KCTD8: variants seen among roughly 807,000 people sequenced by gnomAD.
KCTD8 encodes potassium channel tetramerization domain containing 8.
A neutral mutation model predicts 31.5 loss-of-function variants in KCTD8; 27 were observed. The ratio of observed to expected loss-of-function variants is 0.86; its 90% CI spans 0.63 to 1.18. The LOEUF (loss-of-function observed/expected upper bound fraction) is 1.18. KCTD8 is among the 50% of genes most tolerant of loss of function. KCTD8 has a pLI of 0.00. For missense variants in KCTD8, 658 were observed against 647.7 expected (o/e 1.02, Z -0.17); for synonymous variants, 290 against 280.0 (o/e 1.04, Z -0.36).
chr4:44,229,392 C>T (rs2109351748), intron 1 of KCTD8, among the ~76,000 whole-genome samples: 1 of 152,218 alleles, frequency 6.6e-6, no homozygotes, highest in South Asian at 2.1e-4. Context: ...CATTAAGAGG[C>T]AAAAATGGCA....
chr4:44,218,203 G>A (rs907871505), intron 1 of KCTD8, among the ~76,000 whole-genome samples: 1 of 136,030 alleles, frequency 7.4e-6, no homozygotes, highest in Non-Finnish European at 1.5e-5. Flanking sequence ...GCGCAATCTC[G>A]GCTCACTGAA....
At chr4:44,303,659 T>A (rs903849244) in intron 1 of KCTD8, among the ~76,000 whole-genome samples, 7 of 151,598 alleles carry the variant, frequency 4.6e-5, no homozygotes, top group Non-Finnish European at 5.9e-5. Context: ...CTACAAAAAA[T>A]ACAAAAATTA....
chr4:44,201,774 A>C (rs1714158291), intron 1 of KCTD8, among the ~76,000 whole-genome samples: 3 of 152,114 alleles, frequency 2.0e-5, no homozygotes, highest in Admixed American at 6.6e-5. Flanking sequence ...AAGCAACTAC[A>C]ACAAAAATAA....
chr4:44,405,391 T>C lies in KCTD8; in HGVS notation c.961+42172A>G, dbSNP rs188019925. 2.6e-5 allele frequency among the ~76,000 whole-genome samples: 4 copies of C among 152,080 alleles called. No homozygotes were observed. In the East Asian group the frequency reaches 7.8e-4, roughly 30 times the overall value. ...TCCTGCCTCAGCCTCCTAAGTAGCT[T>C]GGACTGCAGGCACGTGCTTACCACG... is the stretch of plus-strand genomic sequence containing the variant. On this transcript the variant is annotated intron_variant, in intron 1 of 1. Transcript: ENST00000360029.
At chr4:44,300,453 T>C (rs1346736237) in intron 1 of KCTD8, among the ~76,000 whole-genome samples, 6 of 152,070 alleles carry the variant, frequency 3.9e-5, no homozygotes, top group Admixed American at 6.5e-5. Flanking sequence ...AAAAGAATAA[T>C]CAGTTTTGCA....
chr4:44,311,897 A>G (rs1204729742), intron 1 of KCTD8, among the ~76,000 whole-genome samples: 1 of 150,286 alleles, frequency 6.7e-6, no homozygotes, highest in East Asian at 1.9e-4. Flanking sequence ...ACTAGTACAG[A>G]GCTTAAATAA....
chr4:44,203,495 CAAAAAAA>C (rs554145266), intron 1 of KCTD8, among the ~76,000 whole-genome samples: 1 of 44,732 alleles, frequency 2.2e-5, no homozygotes, highest in Non-Finnish European at 4.9e-5. Context: ...GACTCCATCT[CAAAAAAA>C]AAAAAAAAAA....
At chr4:44,296,381 C>T (rs1717434299) in intron 1 of KCTD8, among the ~76,000 whole-genome samples, 1 of 151,986 alleles carries the variant, frequency 6.6e-6, no homozygotes, top group Admixed American at 6.6e-5. Context: ...TGGAAATGAC[C>T]TTCCCATACA....
At chr4:44,275,906 A>G (rs1716736380) in intron 1 of KCTD8, among the ~76,000 whole-genome samples, 1 of 152,100 alleles carries the variant, frequency 6.6e-6, no homozygotes, top group African/African-American at 2.4e-5. Flanking sequence ...AGAACTTTTC[A>G]TAAGACATTA....
intron 1 of KCTD8, among the ~76,000 whole-genome samples, chr4:44,276,263 T>C (rs1716747628): frequency 6.6e-6 from 1 of 152,058 alleles, no homozygotes; most frequent in Admixed American, 6.6e-5. Context: ...AACTAAGTTT[T>C]AAACAGTTGC....
chr4:44,309,389 T>A (rs1466739100), intron 1 of KCTD8, among the ~76,000 whole-genome samples: 1 of 152,162 alleles, frequency 6.6e-6, no homozygotes, highest in Non-Finnish European at 1.5e-5. Context: ...TTTGTACTCC[T>A]AAATTAATTT....
intron 1 of KCTD8, among the ~76,000 whole-genome samples, chr4:44,364,677 T>C (rs1011897078): frequency 2.0e-5 from 3 of 152,130 alleles, no homozygotes; most frequent in East Asian, 1.9e-4. Context: ...TGTCCTTTAA[T>C]AGATAAACAG....
At chr4:44,229,607 C>A (rs1022744440) in intron 1 of KCTD8, among the ~76,000 whole-genome samples, 2 of 152,268 alleles carry the variant, frequency 1.3e-5, no homozygotes, top group South Asian at 4.2e-4. Flanking sequence ...GTCCTAGGAT[C>A]ATGGTTAAAT....
chr4:44,293,678 T>C (rs1717344264), intron 1 of KCTD8: 1 of 370,144 alleles, frequency 2.7e-6, no homozygotes, highest in Non-Finnish European at 5.3e-6. Flanking sequence ...AATTGTATGA[T>C]GACATGAGGG....
At chr4:44,409,226 CA>C (rs58417142) in intron 1 of KCTD8, among the ~76,000 whole-genome samples, 121,447 of 146,546 alleles carry the variant, frequency 0.83, 50,041 homozygotes, top group South Asian at 0.87. Context: ...TGTCAAAAGT[CA>C]AAAAAAAAAG....
intron 1 of KCTD8, among the ~76,000 whole-genome samples, chr4:44,280,540 A>T (rs1308614339): frequency 6.6e-6 from 1 of 152,064 alleles, no homozygotes; most frequent in Non-Finnish European, 1.5e-5. Context: ...TCCAGAGTGA[A>T]GAAGGACTTT....
At chr4:44,384,956 A>T (rs1319270849) in intron 1 of KCTD8, among the ~76,000 whole-genome samples, 1 of 151,410 alleles carries the variant, frequency 6.6e-6, no homozygotes, top group Non-Finnish European at 1.5e-5. Flanking sequence ...AGAAAATTTT[A>T]AAAATATAAT....
intron 1 of KCTD8, among the ~76,000 whole-genome samples, chr4:44,341,178 A>G (rs1381633534): frequency 6.6e-6 from 1 of 152,224 alleles, no homozygotes; most frequent in Non-Finnish European, 1.5e-5. Context: ...TGTCTAAACA[A>G]TATACATACC....
At chr4:44,202,467 A>G (rs1714179196) in intron 1 of KCTD8, among the ~76,000 whole-genome samples, 2 of 152,184 alleles carry the variant, frequency 1.3e-5, no homozygotes, top group Non-Finnish European at 2.9e-5. Flanking sequence ...ACAAAATCGT[A>G]TCCTTTGCAG....
Sources: allele counts gnomAD v4.1 joint callset (sites outside exome capture counted in the v4.1 genomes callset), GRCh38; gene constraint gnomAD v4.1.1; transcripts MANE v1.5; gene names NCBI Gene and HGNC (gene_info 2026-07-23, HGNC 2026-07-21).